Variants in TMTC1 observed in about 807,000 individuals in gnomAD.
TMTC1 encodes protein O-mannosyl-transferase TMTC1.
TMTC1 carries 73 observed loss-of-function variants against 104.8 expected under a neutral mutation model. The observed-to-expected ratio is 0.70, with a 90% CI of 0.58 to 0.85. The LOEUF (loss-of-function observed/expected upper bound fraction) is 0.85, where lower values mean the gene tolerates loss of function less well. Ranked by LOEUF, TMTC1 falls within the 40% of genes least tolerant of loss-of-function variation. TMTC1 has a pLI of 0.00. For missense variants in TMTC1, 1,035 were observed against 1,096.1 expected (o/e 0.94, Z 0.79); for synonymous variants, 434 against 428.7 (o/e 1.01, Z -0.15).
chr12:29,515,362 G>T (rs1943953762), intron 15 of TMTC1, among the ~76,000 whole-genome samples: 2 of 152,088 alleles, frequency 1.3e-5, no homozygotes, highest in South Asian at 4.1e-4. Flanking sequence ...TTCTCCCATG[G>T]TAAGGAACAA....
intron 5 of TMTC1, among the ~76,000 whole-genome samples, chr12:29,643,929 A>G (rs1458145765): frequency 8.9e-6 from 1 of 112,634 alleles, no homozygotes; most frequent in East Asian, 2.3e-4. Context: ...ATATATAAAT[A>G]AATATATATA....
intron 5 of TMTC1, among the ~76,000 whole-genome samples, chr12:29,693,539 C>T (rs1369711275): frequency 6.6e-6 from 1 of 152,140 alleles, no homozygotes; most frequent in Non-Finnish European, 1.5e-5. Flanking sequence ...CACCCGTTCC[C>T]AGCCTCTAAT....
rs200543052 is a variant in TMTC1, at chr12:29,637,085, AACAC to A, written c.939-3753_939-3750del. ...CAAAATGAAACGAAACAAAATGAGA[AACAC>A]ACACACACACACACACACACACACA... On this transcript the variant is annotated intron_variant, in intron 5 of 17. Coordinates refer to ENST00000539277, the MANE Select transcript of TMTC1 (RefSeq NM_001193451.2). Among the ~76,000 whole-genome samples the A allele has an allele frequency of 4.3e-3, 207 of 47,682 alleles. 2 individuals carry two copies. The highest frequency in any genetic ancestry group is 7.9e-3 in the South Asian group (12 of 1,526). The allele number at this position is 47,682 out of a possible 152,430, so 31.3% of individuals were successfully genotyped here. A position where few individuals can be genotyped will look rare whatever the true frequency, so the allele number is the denominator to read the frequency against.
chr12:29,741,991 C>G (rs1272384426), intron 5 of TMTC1, among the ~76,000 whole-genome samples: 1 of 152,104 alleles, frequency 6.6e-6, no homozygotes, highest in Non-Finnish European at 1.5e-5. Context: ...AAGCTTTTTT[C>G]CATCATAATT....
intron 5 of TMTC1, among the ~76,000 whole-genome samples, chr12:29,736,901 C>G (rs569023045): frequency 6.6e-6 from 1 of 152,328 alleles, no homozygotes; most frequent in East Asian, 1.9e-4. Context: ...ATCCATGTCT[C>G]AGAAATGCCA....
At chr12:29,681,198 T>C (rs374816759) in intron 5 of TMTC1, among the ~76,000 whole-genome samples, 6 of 151,798 alleles carry the variant, frequency 4.0e-5, no homozygotes, top group African/African-American at 1.2e-4. Context: ...GTAGTTCCTG[T>C]GGACCAAGGT....
At chr12:29,768,926 G>A (rs1592034110) in intron 1 of TMTC1, among the ~76,000 whole-genome samples, 3 of 152,222 alleles carry the variant, frequency 2.0e-5, no homozygotes, top group East Asian at 3.9e-4. Context: ...GATTCTGTGG[G>A]GTTACAGAAA....
intron 1 of TMTC1, among the ~76,000 whole-genome samples, chr12:29,769,014 T>G (rs1467757368): frequency 6.6e-6 from 1 of 152,166 alleles, no homozygotes; most frequent in African/African-American, 2.4e-5. Flanking sequence ...TTGTCTGTAT[T>G]CTAGTCAATT....
At chr12:29,613,851 C>A in intron 6 of TMTC1, 5 of 671,376 alleles carry the variant, frequency 7.4e-6, no homozygotes, top group Non-Finnish European at 3.7e-6. Flanking sequence ...ATGATCACTT[C>A]TTTTCTGTTA....
intron 5 of TMTC1, among the ~76,000 whole-genome samples, chr12:29,674,160 T>C (rs10771567): frequency 0.56 from 84,680 of 151,856 alleles, 23,852 homozygotes; most frequent in African/African-American, 0.64. Context: ...CCACAGGCCC[T>C]GGGGTCACAG....
chr12:29,669,922 A>C (rs1055168584), intron 5 of TMTC1, among the ~76,000 whole-genome samples: 1 of 152,208 alleles, frequency 6.6e-6, no homozygotes, highest in African/African-American at 2.4e-5. Flanking sequence ...CCTAGGGAGC[A>C]GTGGGTCTAG....
chr12:29,516,996 A>G (rs142819048), intron 14 of TMTC1, among the ~76,000 whole-genome samples: 1 of 152,332 alleles, frequency 6.6e-6, no homozygotes, highest in Non-Finnish European at 1.5e-5. Context: ...ATAAAGGGGA[A>G]TGATATATAC....
At chr12:29,572,084 C>T (rs777941757) in intron 9 of TMTC1, 21 bp downstream of exon 9, 2 of 1,593,374 alleles carry the variant, frequency 1.3e-6, no homozygotes, top group Middle Eastern at 1.7e-4. Context: ...AAGGCCAACA[C>T]CCTCCCTGTG....
intron 5 of TMTC1, among the ~76,000 whole-genome samples, chr12:29,669,457 C>T (rs1020435640): frequency 2.0e-5 from 3 of 152,018 alleles, no homozygotes; most frequent in African/African-American, 4.8e-5. Flanking sequence ...GGTAGAGTGC[C>T]CACTCTGAAG....
chr12:29,566,121 G>T (rs1404024991), intron 9 of TMTC1, among the ~76,000 whole-genome samples: 3 of 152,078 alleles, frequency 2.0e-5, no homozygotes, highest in Non-Finnish European at 4.4e-5. Context: ...CAGTGGGGTG[G>T]CCCAGGGAGG....
In TMTC1 at chr12:29,506,345, T is replaced by TCC. The variant is rs1943694262; in HGVS notation, c.*500_*501insGG. The TCC allele has an allele frequency of 6.5e-6, 1 of 154,402 alleles. No individual in the cohort carries two copies. The highest frequency in any genetic ancestry group is 1.4e-5 in the Non-Finnish European group (1 of 69,480). The allele number at this position is 154,402 out of a possible 1,614,324, so 9.6% of individuals were successfully genotyped here. A position where few individuals can be genotyped will look rare whatever the true frequency, so the allele number is the denominator to read the frequency against. On this transcript the variant is annotated 3_prime_UTR_variant, in exon 18 of 18. Transcript: ENST00000539277. Reference sequence around the variant, plus strand: ...TTCTGGAAGGTTCTACAAAAGCTATTAGATACTCATTCCTGGTTCTGGAAA... The same window carrying TCC: ...TTCTGGAAGGTTCTACAAAAGCTATTCCAGATACTCATTCCTGGTTCTGGAAA...
intron 5 of TMTC1, among the ~76,000 whole-genome samples, chr12:29,650,791 G>A (rs1939483878): frequency 6.6e-6 from 1 of 152,138 alleles, no homozygotes; most frequent in Non-Finnish European, 1.5e-5. Flanking sequence ...GATCTGCAAG[G>A]GCCCAGGATT....
At chr12:29,699,486 C>T (rs900140220) in intron 5 of TMTC1, among the ~76,000 whole-genome samples, 2 of 152,106 alleles carry the variant, frequency 1.3e-5, no homozygotes, top group African/African-American at 4.8e-5. Flanking sequence ...ACTTTGAATA[C>T]CACATTGTTT....
chr12:29,720,869 T>C (rs1405586621), intron 5 of TMTC1, among the ~76,000 whole-genome samples: 1 of 151,890 alleles, frequency 6.6e-6, no homozygotes, highest in Non-Finnish European at 1.5e-5. Context: ...AACATGAAAA[T>C]GCAGATGATC....
Sources: allele counts gnomAD v4.1 joint callset (sites outside exome capture counted in the v4.1 genomes callset), GRCh38; gene constraint gnomAD v4.1.1; transcripts MANE v1.5; gene names NCBI Gene and HGNC (gene_info 2026-07-23, HGNC 2026-07-21).